Variants in UNC79 observed in about 807,000 individuals in gnomAD.
UNC79 encodes the protein protein unc-79 homolog.
UNC79 carries 37 observed loss-of-function variants against 283.1 expected under a neutral mutation model. The ratio of observed to expected loss-of-function variants is 0.13; its 90% CI spans 0.10 to 0.17. UNC79 has a LOEUF of 0.17. UNC79 is among the 10% of genes least tolerant of loss of function. UNC79 has a pLI of 1.00. For synonymous variants in UNC79, 1,107 were observed against 1,200.2 expected, an observed-to-expected ratio of 0.92 and a Z score of 1.61; for missense variants, 2,272 against 3,211.1, an observed-to-expected ratio of 0.71 and a Z score of 7.07.
At chr14:93,603,506 A>T (rs150698444) in intron 26 of UNC79, 88 bp downstream of exon 26, 1 of 1,422,984 alleles carries the variant, frequency 7.0e-7, no homozygotes, top group East Asian at 2.5e-5. Context: ...CAGAGAGTAT[A>T]GCATGTTTAG....
chr14:93,387,490 A>G (rs766961979), intron 1 of UNC79, among the ~76,000 whole-genome samples: 4 of 152,026 alleles, frequency 2.6e-5, no homozygotes, highest in Non-Finnish European at 5.9e-5. Context: ...TACTTTCTTC[A>G]TTGACCCACT....
chr14:93,663,833 T>A (rs2071863206), intron 40 of UNC79, among the ~76,000 whole-genome samples: 1 of 152,212 alleles, frequency 6.6e-6, no homozygotes, highest in South Asian at 2.1e-4. Context: ...AGAAACCATT[T>A]GATTTCTTCA....
At chr14:93,551,920 A>T (rs768797560) in intron 14 of UNC79, among the ~76,000 whole-genome samples, 3 of 152,192 alleles carry the variant, frequency 2.0e-5, no homozygotes, top group Non-Finnish European at 2.9e-5. Context: ...ACCTCAGAGG[A>T]ACATAGAAAT....
intron 11 of UNC79, among the ~76,000 whole-genome samples, chr14:93,534,358 T>G (rs1305992798): frequency 6.6e-6 from 1 of 152,158 alleles, no homozygotes; most frequent in East Asian, 1.9e-4. Flanking sequence ...GGAGTTAGGG[T>G]CCCATATATC....
chr14:93,622,055 A>T (rs1252786630), exon 30 of UNC79: 1 of 1,613,158 alleles, frequency 6.2e-7, no homozygotes, highest in East Asian at 2.2e-5. Context: ...TTTAGATCTG[A>T]TAGATCTATC....
chr14:93,635,589 G>A (rs1282160437), intron 31 of UNC79, among the ~76,000 whole-genome samples: 1 of 152,132 alleles, frequency 6.6e-6, no homozygotes, highest in Non-Finnish European at 1.5e-5. Context: ...CAAAGCCATA[G>A]TATTTATGTA....
chr14:93,488,628 G>A (rs763688969), intron 5 of UNC79, among the ~76,000 whole-genome samples: 1 of 152,116 alleles, frequency 6.6e-6, no homozygotes, highest in East Asian at 1.9e-4. Context: ...GTCTTAGTCC[G>A]TTGGGTTGTA....
At chr14:93,525,658 A>G (rs1288866268) in intron 8 of UNC79, among the ~76,000 whole-genome samples, 1 of 152,118 alleles carries the variant, frequency 6.6e-6, no homozygotes, top group Non-Finnish European at 1.5e-5. Flanking sequence ...TGAGACTTTC[A>G]TGGTTCCTTC....
At chr14:93,417,810 G>C (rs1232775717) in intron 1 of UNC79, among the ~76,000 whole-genome samples, 1 of 149,266 alleles carries the variant, frequency 6.7e-6, no homozygotes, top group Admixed American at 6.6e-5. Flanking sequence ...CCAGTTGATT[G>C]CATCGACTCC....
At chr14:93,616,570 G>A (rs576443954) in intron 27 of UNC79, among the ~76,000 whole-genome samples, 5 of 151,842 alleles carry the variant, frequency 3.3e-5, no homozygotes, top group Non-Finnish European at 7.4e-5. Context: ...GGGTTTCGCC[G>A]TGTTGCCTGA....
intron 41 of UNC79, among the ~76,000 whole-genome samples, chr14:93,675,478 T>C (rs1382484394): frequency 6.6e-6 from 1 of 152,100 alleles, no homozygotes; most frequent in Non-Finnish European, 1.5e-5. Context: ...AATTCCCACA[T>C]AGTGCAACGG....
At chr14:93,632,679 C>A (rs1264889904) in intron 31 of UNC79, among the ~76,000 whole-genome samples, 3 of 150,820 alleles carry the variant, frequency 2.0e-5, no homozygotes, top group Non-Finnish European at 4.4e-5. Context: ...AGCCTGTGCA[C>A]CCTGTCTCAA....
chr14:93,464,883 G>A (rs921947963), intron 1 of UNC79, among the ~76,000 whole-genome samples: 10 of 152,158 alleles, frequency 6.6e-5, no homozygotes, highest in African/African-American at 2.4e-5. Flanking sequence ...AAATTGAACT[G>A]TAAATGAGTT....
At chr14:93,653,525 G>A (rs564754530) in intron 35 of UNC79, among the ~76,000 whole-genome samples, 6 of 151,840 alleles carry the variant, frequency 4.0e-5, no homozygotes, top group Admixed American at 2.6e-4. Context: ...CCTGGAATAC[G>A]TCTGAGACTA....
intron 1 of UNC79, chr14:93,348,392 C>T (rs1390332453): frequency 5.6e-6 from 2 of 356,504 alleles, no homozygotes; most frequent in Admixed American, 4.4e-5. Context: ...ATCGTGAAAG[C>T]TGATGAAAAT....
intron 4 of UNC79, among the ~76,000 whole-genome samples, chr14:93,483,535 A>G (rs1304782507): frequency 1.4e-5 from 2 of 146,908 alleles, no homozygotes; most frequent in Admixed American, 1.4e-4. Context: ...TTTTTTTTTT[A>G]ATTATACTTT....
intron 26 of UNC79, among the ~76,000 whole-genome samples, chr14:93,612,320 C>G (rs946293067): frequency 2.6e-5 from 4 of 152,180 alleles, no homozygotes; most frequent in African/African-American, 9.7e-5. Context: ...ATGAACATAA[C>G]TAAATTGAGA....
At chr14:93,484,011 T>A (rs942824687) in intron 4 of UNC79, among the ~76,000 whole-genome samples, 6 of 152,226 alleles carry the variant, frequency 3.9e-5, no homozygotes, top group Non-Finnish European at 4.4e-5. Context: ...CCTGTGCATG[T>A]GTCTTTATAG....
intron 1 of UNC79, among the ~76,000 whole-genome samples, chr14:93,443,381 T>C (rs2056367648): frequency 6.6e-6 from 1 of 151,912 alleles, no homozygotes; most frequent in Non-Finnish European, 1.5e-5. Context: ...TAGAATTTCA[T>C]GTAAATGGAA....
Sources: allele counts gnomAD v4.1 joint callset (sites outside exome capture counted in the v4.1 genomes callset), GRCh38; gene constraint gnomAD v4.1.1; transcripts MANE v1.5; gene names NCBI Gene and HGNC (gene_info 2026-07-23, HGNC 2026-07-21).